The following TRAK1 variants were observed in gnomAD, a reference collection of about 807,000 sequenced individuals.
The protein encoded by TRAK1 is trafficking kinesin-binding protein 1.
In TRAK1, 33 loss-of-function variants were observed where a neutral mutation model predicts 92.1. The observed-to-expected ratio is 0.36, with a 90% confidence interval of 0.27 to 0.48. TRAK1 has a LOEUF of 0.48. TRAK1 is among the 20% of genes least tolerant of loss of function. TRAK1 has a pLI of 0.99. For synonymous variants in TRAK1, 521 were observed against 517.3 expected, an observed-to-expected ratio of 1.01 and a Z score of -0.10; for missense variants, 1,123 against 1,257.9, an observed-to-expected ratio of 0.89 and a Z score of 1.62.
At chr3:42,037,360 C>T (rs996878121) in intron 1 of TRAK1, among the ~76,000 whole-genome samples, 1 of 152,086 alleles carries the variant, frequency 6.6e-6, no homozygotes, top group Non-Finnish European at 1.5e-5. Context: ...TTCGGCCTTC[C>T]CTCTAAGTAG....
chr3:42,169,055 G>A (rs1171277088), intron 2 of TRAK1, among the ~76,000 whole-genome samples: 1 of 151,980 alleles, frequency 6.6e-6, no homozygotes, highest in Non-Finnish European at 1.5e-5. Flanking sequence ...AACTCCTGAC[G>A]TCAGGTGATC....
Position 42,193,887 on chromosome 3 carries a change from C to T in TRAK1, c.964C>T (p.Leu322Phe). ...GGCTGCTAAGGATGCCCAGCGGCAG[C>T]TCACAGCCGAGGTGAGCACCTCTCC... Reference protein sequence around the residue: ...LGAAKDAQRQLTAELRELEDK... With the variant: ...LGAAKDAQRQFTAELRELEDK... The change falls in exon 9 of 16, where the codon CTC (leucine) becomes TTC (phenylalanine). Residue 322 changes from leucine to phenylalanine, a missense_variant. Coordinates refer to ENST00000327628, the MANE Select transcript of TRAK1 (RefSeq NM_001042646.3). The T allele has an allele frequency of 6.2e-7, 1 of 1,614,120 alleles. No individual in the cohort carries two copies. The highest frequency in any genetic ancestry group is 2.2e-5 in the East Asian group (1 of 44,888).
At chr3:42,075,340 C>CACA (rs1361169687) in intron 1 of TRAK1, among the ~76,000 whole-genome samples, 1 of 71,080 alleles carries the variant, frequency 1.4e-5, no homozygotes, top group East Asian at 4.7e-4. Flanking sequence ...GACTCAGTCT[C>CACA]AAAAAAAAAA....
intron 1 of TRAK1, among the ~76,000 whole-genome samples, chr3:42,020,245 T>A (rs1237464634): frequency 6.6e-6 from 1 of 152,256 alleles, no homozygotes; most frequent in African/African-American, 2.4e-5. Context: ...AACCTTTAAT[T>A]TCTTACGCAT....
At chr3:42,096,100 G>C (rs1273640247) in intron 1 of TRAK1, among the ~76,000 whole-genome samples, 1 of 152,172 alleles carries the variant, frequency 6.6e-6, no homozygotes, top group Non-Finnish European at 1.5e-5. Flanking sequence ...TTTTGCTCTA[G>C]CAGCCTGAAC....
intron 1 of TRAK1, among the ~76,000 whole-genome samples, chr3:42,077,208 C>T (rs2371970): frequency 0.54 from 81,473 of 152,042 alleles, 22,334 homozygotes; most frequent in South Asian, 0.67. Flanking sequence ...AGGAATAACA[C>T]TGAATCTGTA....
chr3:42,172,229 ACATTATTAC>A (rs1702658469), intron 2 of TRAK1, among the ~76,000 whole-genome samples: 1 of 152,138 alleles, frequency 6.6e-6, no homozygotes. Context: ...TCTGCCTGGC[ACATTATTAC>A]ACAGTGACAT....
intron 3 of TRAK1, among the ~76,000 whole-genome samples, chr3:42,179,830 C>T (rs1459713704): frequency 1.3e-5 from 2 of 152,124 alleles, no homozygotes; most frequent in African/African-American, 4.8e-5. Context: ...GCCTAAATTA[C>T]TTGTTTGTGG....
intron 1 of TRAK1, among the ~76,000 whole-genome samples, chr3:42,036,498 C>T (rs910044465): frequency 6.6e-6 from 1 of 152,200 alleles, no homozygotes; most frequent in Non-Finnish European, 1.5e-5. Context: ...TGGGTACTGG[C>T]TCATTGGAGC....
chr3:42,122,890 C>T (rs1710072938), intron 1 of TRAK1, among the ~76,000 whole-genome samples: 1 of 152,178 alleles, frequency 6.6e-6, no homozygotes, highest in Non-Finnish European at 1.5e-5. Context: ...CTTGCTGTGA[C>T]ATTTCCCCCA....
intron 2 of TRAK1, chr3:42,160,518 A>G (rs778213183): frequency 1.9e-6 from 3 of 1,580,256 alleles, no homozygotes; most frequent in South Asian, 1.1e-5. Flanking sequence ...CCTTGTTAGT[A>G]TCTAAATAGG....
chr3:42,212,155 G>C, intron 14 of TRAK1: 6 of 985,436 alleles, frequency 6.1e-6, no homozygotes, highest in Non-Finnish European at 7.2e-6. Flanking sequence ...GTAGCTCTAT[G>C]CCTGCAATCA....
intron 1 of TRAK1, among the ~76,000 whole-genome samples, chr3:42,116,964 G>A (rs1040358401): frequency 1.3e-5 from 2 of 152,180 alleles, no homozygotes; most frequent in Non-Finnish European, 2.9e-5. Context: ...CCAGTGTGCA[G>A]ACTGGAGGCA....
At chr3:42,168,938 G>A (rs533595366) in intron 2 of TRAK1, among the ~76,000 whole-genome samples, 14 of 152,158 alleles carry the variant, frequency 9.2e-5, no homozygotes, top group South Asian at 4.2e-4. Flanking sequence ...ATTCTCCTGC[G>A]TCAGCCTCCC....
chr3:42,045,334 A>C (rs943933652), intron 1 of TRAK1, among the ~76,000 whole-genome samples: 49 of 152,180 alleles, frequency 3.2e-4, no homozygotes, highest in African/African-American at 1.2e-3. Context: ...CAGGAGTTTG[A>C]GACCAGCCTG....
At chr3:42,084,621 C>A (rs540508251), upstream of TRAK1, among the ~76,000 whole-genome samples, 2 of 152,206 alleles carry the variant, frequency 1.3e-5, no homozygotes, top group East Asian at 3.9e-4. Context: ...CCGGTGAATT[C>A]CCATCCTGGA....
At chr3:42,058,174 A>C (rs1354915397) in intron 1 of TRAK1, among the ~76,000 whole-genome samples, 1 of 152,142 alleles carries the variant, frequency 6.6e-6, no homozygotes, top group East Asian at 1.9e-4. Context: ...GAACCTCCTC[A>C]TCTTTAAAAT....
intron 2 of TRAK1, among the ~76,000 whole-genome samples, chr3:42,131,737 A>G (rs1265828519): frequency 2.7e-5 from 4 of 149,318 alleles, no homozygotes; most frequent in African/African-American, 7.4e-5. Context: ...CAACAAACAA[A>G]TAAAAATAAA....
At chr3:42,131,698 A>G (rs1309584471) in intron 2 of TRAK1, among the ~76,000 whole-genome samples, 1 of 151,856 alleles carries the variant, frequency 6.6e-6, no homozygotes, top group Non-Finnish European at 1.5e-5. Context: ...AGCCTGGGTG[A>G]CAGAGTGAGA....
Sources: allele counts gnomAD v4.1 joint callset (sites outside exome capture counted in the v4.1 genomes callset), GRCh38; gene constraint gnomAD v4.1.1; transcripts MANE v1.5; gene names NCBI Gene and HGNC (gene_info 2026-07-23, HGNC 2026-07-21).